ZNRF2: variants seen among roughly 807,000 people sequenced by gnomAD.
The protein encoded by ZNRF2 is zinc and ring finger 2.
In ZNRF2, 16 loss-of-function variants were observed where a neutral mutation model predicts 20.4. The ratio of observed to expected loss-of-function variants is 0.79; its 90% confidence interval spans 0.53 to 1.19. The LOEUF (loss-of-function observed/expected upper bound fraction) is 1.19, where lower values mean the gene tolerates loss of function less well. Ranked by LOEUF, ZNRF2 falls within the 50% of genes most tolerant of loss-of-function variation. The pLI, the probability that ZNRF2 is intolerant of heterozygous loss-of-function variation, is 0.00. For synonymous variants in ZNRF2, 178 were observed against 144.9 expected (o/e 1.23, Z -1.64); for missense variants, 363 against 332.4 (o/e 1.09, Z -0.72).
intron 1 of ZNRF2, among the ~76,000 whole-genome samples, chr7:30,299,404 G>A (rs42573): frequency 0.75 from 113,025 of 150,334 alleles, 43,466 homozygotes; most frequent in African/African-American, 0.93. Flanking sequence ...GGGCAACAAG[G>A]GCGAAACTAT....
In ZNRF2 at chr7:30,285,813, G is replaced by A. The variant is rs1355260552; in HGVS notation, c.456G>A (p.Pro152=). Residue 152 remains proline (P), a synonymous_variant, in exon 1 of 5, where the codon CCG becomes CCA. Transcript: ENST00000323037. ...GCTCCTTACCAGCTCACCTCTCGCC[G>A]CACATGTTTGGAGGTACGGACCCCT... ...VIGSLPAHLS[P]HMFGGFKCPV... The A allele has an allele frequency of 1.9e-5, 29 of 1,522,366 alleles. No homozygotes were observed. The highest frequency in any genetic ancestry group is 2.5e-5 in the Non-Finnish European group (29 of 1,143,576). The allele number at this position is 1,522,366 out of a possible 1,614,324, so 94.3% of individuals were successfully genotyped here. A position where few individuals can be genotyped will look rare whatever the true frequency, so the allele number is the denominator to read the frequency against.
At chr7:30,340,237 A>C (rs561665320) in intron 2 of ZNRF2, among the ~76,000 whole-genome samples, 4 of 152,158 alleles carry the variant, frequency 2.6e-5, no homozygotes, top group Admixed American at 6.5e-5. Context: ...AATACCCTTT[A>C]TTTCTTTCTC....
At chr7:30,333,195 A>AG (rs1799661691) in intron 2 of ZNRF2, among the ~76,000 whole-genome samples, 1 of 151,302 alleles carries the variant, frequency 6.6e-6, no homozygotes, top group Non-Finnish European at 1.5e-5. Context: ...ATGGGATTAC[A>AG]GGCGCCTGCC....
At chr7:30,325,891 G>T (rs960784726) in intron 2 of ZNRF2, among the ~76,000 whole-genome samples, 1 of 152,124 alleles carries the variant, frequency 6.6e-6, no homozygotes, top group Admixed American at 6.6e-5. Flanking sequence ...TTCAAAATTT[G>T]TGACTAAAAG....
At chr7:30,316,249 C>CT (rs1320041321) in intron 1 of ZNRF2, among the ~76,000 whole-genome samples, 4 of 119,774 alleles carry the variant, frequency 3.3e-5, no homozygotes, top group Non-Finnish European at 6.4e-5. Context: ...GATTGCACCA[C>CT]TGTACTCCAG....
intron 2 of ZNRF2, among the ~76,000 whole-genome samples, chr7:30,333,174 C>G (rs908414335): frequency 1.3e-5 from 2 of 151,444 alleles, no homozygotes; most frequent in Non-Finnish European, 2.9e-5. Flanking sequence ...CTGCCTCAGC[C>G]TCCTGAGTAG....
chr7:30,311,730 A>G (rs1034538499), intron 1 of ZNRF2, among the ~76,000 whole-genome samples: 2 of 152,180 alleles, frequency 1.3e-5, no homozygotes, highest in Admixed American at 1.3e-4. Flanking sequence ...TAAGGATTAT[A>G]TTATGTATGC....
intron 2 of ZNRF2, among the ~76,000 whole-genome samples, chr7:30,341,842 T>G (rs1268123572): frequency 6.6e-6 from 1 of 152,126 alleles, no homozygotes; most frequent in Non-Finnish European, 1.5e-5. Context: ...CCACTATTAT[T>G]GTGTGGGAGT....
At chr7:30,326,122 A>G (rs1318411094) in intron 2 of ZNRF2, among the ~76,000 whole-genome samples, 1 of 152,090 alleles carries the variant, frequency 6.6e-6, no homozygotes, top group Non-Finnish European at 1.5e-5. Context: ...CTTCTTGTGT[A>G]TTGTGATATT....
intron 1 of ZNRF2, among the ~76,000 whole-genome samples, chr7:30,308,634 ATAGGT>A (rs1799245224): frequency 1.3e-5 from 2 of 152,216 alleles, no homozygotes; most frequent in South Asian, 2.1e-4. Flanking sequence ...TTGCTGAGTC[ATAGGT>A]TATGTATACC....
intron 1 of ZNRF2, among the ~76,000 whole-genome samples, chr7:30,309,727 C>T (rs1424996315): frequency 1.3e-5 from 2 of 152,000 alleles, no homozygotes; most frequent in East Asian, 3.9e-4. Flanking sequence ...CAGAAAGGTA[C>T]CCGGTAATTT....
intron 2 of ZNRF2, among the ~76,000 whole-genome samples, chr7:30,333,605 T>G (rs1049656028): frequency 3.3e-5 from 5 of 152,126 alleles, no homozygotes; most frequent in African/African-American, 4.8e-5. Context: ...CCTGACCTTG[T>G]GATCCTTCCG....
At chr7:30,336,371 A>G (rs1466969908) in intron 2 of ZNRF2, among the ~76,000 whole-genome samples, 2 of 150,170 alleles carry the variant, frequency 1.3e-5, no homozygotes, top group African/African-American at 2.5e-5. Flanking sequence ...GTAGTTTGGT[A>G]TCTTCTCAGC....
At chr7:30,338,988 A>G (rs904484366) in intron 2 of ZNRF2, among the ~76,000 whole-genome samples, 3 of 152,150 alleles carry the variant, frequency 2.0e-5, no homozygotes, top group Admixed American at 6.5e-5. Flanking sequence ...ATTGTATTTC[A>G]CTGTGGTTTT....
chr7:30,294,973 T>TAGAGAGAGAGGGAGGGGGACAG lies in ZNRF2; in HGVS notation c.469+9164_469+9185dup, dbSNP rs1250900184. 4.7e-4 allele frequency among the ~76,000 whole-genome samples: 63 copies of TAGAGAGAGAGGGAGGGGGACAG among 135,292 alleles called. 7 individuals carry two copies. Among genetic ancestry groups the TAGAGAGAGAGGGAGGGGGACAG allele is most frequent in the African/African-American group, 1.6e-3 (57 of 35,554 alleles). The allele number at this position is 135,292 out of a possible 152,430, so 88.8% of individuals were successfully genotyped here. On this transcript the variant is annotated intron_variant, in intron 1 of 4. Coordinates refer to ENST00000323037, the MANE Select transcript of ZNRF2 (RefSeq NM_147128.4). ...ACCCAATGCCCCTGGAGCTGAAATT[T>TAGAGAGAGAGGGAGGGGGACAG]AGAGAGAGAGGGAGGGGGACAGAGA...
chr7:30,367,189 TTTA>T lies in ZNRF2; in HGVS notation c.*1180_*1182del, dbSNP rs1464400212. 1.3e-5 allele frequency: 2 copies of T among 152,528 alleles called. No homozygotes were observed. Among genetic ancestry groups the T allele is most frequent in the African/African-American group, 2.4e-5 (1 of 41,462 alleles). 9.4% of individuals were successfully genotyped at this position (152,528 alleles called of 1,614,324 possible). A position where few individuals can be genotyped will look rare whatever the true frequency, so the allele number is the denominator to read the frequency against. On this transcript the variant is annotated 3_prime_UTR_variant, in exon 5 of 5. Transcript: ENST00000323037. ...ATATGAAGATTTTGTTAATTTATAATTTATTCATGTGTTATTACTGTAATTGAA... is the reference window on the plus strand; with the variant it reads ...ATATGAAGATTTTGTTAATTTATAATTTCATGTGTTATTACTGTAATTGAA...
chr7:30,324,753 T>C (rs1799526332), intron 2 of ZNRF2, among the ~76,000 whole-genome samples: 1 of 152,168 alleles, frequency 6.6e-6, no homozygotes, highest in African/African-American at 2.4e-5. Context: ...TAAAATGTAA[T>C]GTTCATAATG....
At position 30,304,853 on chromosome 7, in the gene ZNRF2, CTG is replaced by C. The variant is rs531144580; in HGVS notation, c.470-18786_470-18785del. Among the ~76,000 whole-genome samples the C allele has an allele frequency of 2.4e-4, 36 of 152,238 alleles. No homozygotes were observed. In the South Asian group the frequency reaches 7.3e-3, roughly 31 times the overall value. On this transcript the variant is annotated intron_variant, in intron 1 of 4. Coordinates refer to ENST00000323037, the MANE Select transcript of ZNRF2 (RefSeq NM_147128.4). ...ACTAGGGTGAGTTAAAAAGGGAGCT[CTG>C]TGCCCCTGGTGTGCTGGAACTAGCT...
At chr7:30,306,697 G>A (rs1265967421) in intron 1 of ZNRF2, among the ~76,000 whole-genome samples, 4 of 152,126 alleles carry the variant, frequency 2.6e-5, no homozygotes, top group Non-Finnish European at 5.9e-5. Flanking sequence ...GGGATTCTTG[G>A]TTCCTTTAGT....
Sources: allele counts gnomAD v4.1 joint callset (sites outside exome capture counted in the v4.1 genomes callset), GRCh38; gene constraint gnomAD v4.1.1; transcripts MANE v1.5; gene names NCBI Gene and HGNC (gene_info 2026-07-23, HGNC 2026-07-21).